Variants in ERC1 observed in about 807,000 individuals in gnomAD.
The protein encoded by ERC1 is ELKS/RAB6-interacting/CAST family member 1, also known as RAB6 interacting protein 2.
ERC1 carries 56 observed loss-of-function variants against 132.0 expected under a neutral mutation model. The observed-to-expected ratio is 0.42, with a 90% CI of 0.34 to 0.53. ERC1 has a LOEUF of 0.53. ERC1 is among the 20% of genes least tolerant of loss of function. The probability of loss-of-function intolerance (pLI) is 0.03; values close to 1 mark genes in which losing one functional copy is unlikely to be tolerated. For synonymous variants in ERC1, 478 were observed against 476.1 expected (o/e 1.00, Z -0.05); for missense variants, 1,202 against 1,349.9 (o/e 0.89, Z 1.72).
chr12:1,013,487 A>G (rs549290338), intron 1 of ERC1, among the ~76,000 whole-genome samples: 30 of 152,196 alleles, frequency 2.0e-4, no homozygotes, highest in African/African-American at 7.0e-4. Flanking sequence ...GCTCGTTTAC[A>G]ATTGATGTGT....
intron 2 of ERC1, among the ~76,000 whole-genome samples, chr12:1,059,053 C>T (rs941552022): frequency 5.9e-5 from 9 of 152,006 alleles, no homozygotes; most frequent in Non-Finnish European, 1.3e-4. Context: ...AGCTCTTTCA[C>T]CTTCTTGGTT....
At chr12:1,312,654 C>T (rs889047142) in intron 15 of ERC1, among the ~76,000 whole-genome samples, 2 of 152,154 alleles carry the variant, frequency 1.3e-5, no homozygotes, top group East Asian at 1.9e-4. Flanking sequence ...CCACCACACC[C>T]GGCCAAAGCA....
At chr12:1,167,875 C>G (rs1480575061) in intron 8 of ERC1, among the ~76,000 whole-genome samples, 4 of 152,132 alleles carry the variant, frequency 2.6e-5, no homozygotes, top group South Asian at 4.2e-4. Flanking sequence ...CGCCACCACA[C>G]CCTGCTAATT....
intron 16 of ERC1, among the ~76,000 whole-genome samples, chr12:1,392,008 T>G (rs1275827432): frequency 6.6e-6 from 1 of 152,076 alleles, no homozygotes; most frequent in African/African-American, 2.4e-5. Flanking sequence ...ATACTTAGTG[T>G]GCTGGAGAAA....
chr12:1,378,513 C>G (rs1309201107), intron 16 of ERC1, among the ~76,000 whole-genome samples: 2 of 152,152 alleles, frequency 1.3e-5, no homozygotes, highest in Non-Finnish European at 1.5e-5. Context: ...TGTCTGTAGT[C>G]TACTTAGTGA....
At chr12:1,414,914 A>AG (rs1401970607) in intron 17 of ERC1, among the ~76,000 whole-genome samples, 1 of 152,226 alleles carries the variant, frequency 6.6e-6, no homozygotes, top group Non-Finnish European at 1.5e-5. Context: ...GAAAAGTAAA[A>AG]GTAAAGTTTA....
At chr12:1,314,106 C>T (rs1047074045) in intron 15 of ERC1, among the ~76,000 whole-genome samples, 2 of 152,048 alleles carry the variant, frequency 1.3e-5, no homozygotes, top group Admixed American at 6.6e-5. Context: ...ATCAGTATTT[C>T]CTATTGTATT....
At position 1,395,509 on chromosome 12, in the gene ERC1, G is replaced by A. The variant is rs548311967; in HGVS notation, c.2926-12640G>A. 2.6e-4 allele frequency among the ~76,000 whole-genome samples: 40 copies of A among 151,764 alleles called. No individual in the cohort carries two copies. In the East Asian group the frequency reaches 5.0e-3, roughly 19 times the overall value. Reference sequence around the variant, plus strand: ...TATAGGCTGCTCTTCTCCAGAGTTCGAAGTTAAAGTCTGCACAGCATATGG... The same window carrying A: ...TATAGGCTGCTCTTCTCCAGAGTTCAAAGTTAAAGTCTGCACAGCATATGG... On this transcript the variant is annotated intron_variant, in intron 16 of 18. Transcript: ENST00000360905.
rs2076884661 is a variant in ERC1 at position 1,257,455 on chromosome 12, G to T, written c.2488-5579G>T. Among the ~76,000 whole-genome samples, 3 of 152,162 alleles carry T rather than the reference G, an allele frequency of 2.0e-5. No homozygotes were observed. In the South Asian group the frequency reaches 6.2e-4, roughly 32 times the overall value. Reference sequence around the variant, plus strand: ...TGATTACAGATATTTTATATTTTTAGTATTAAGGTGATCTACCATAGTCTG... The same window carrying T: ...TGATTACAGATATTTTATATTTTTATTATTAAGGTGATCTACCATAGTCTG... On this transcript the variant is annotated intron_variant, in intron 13 of 18. Transcript: ENST00000360905.
At chr12:999,849 C>T (rs138928003) in intron 1 of ERC1, among the ~76,000 whole-genome samples, 11 of 152,248 alleles carry the variant, frequency 7.2e-5, no homozygotes, top group Non-Finnish European at 1.5e-4. Context: ...CCTGTCTTGG[C>T]CTCCCAGAGT....
intron 12 of ERC1, among the ~76,000 whole-genome samples, chr12:1,212,580 T>C (rs769319545): frequency 1.1e-4 from 16 of 152,232 alleles, no homozygotes; most frequent in Non-Finnish European, 1.6e-4. Context: ...GACGGGGTCC[T>C]TGTCACACAG....
chr12:1,412,794 A>G (rs2091917408), intron 17 of ERC1, among the ~76,000 whole-genome samples: 1 of 152,214 alleles, frequency 6.6e-6, no homozygotes, highest in Non-Finnish European at 1.5e-5. Context: ...TAGCTGTAGA[A>G]TGCTTTGAGC....
intron 7 of ERC1, among the ~76,000 whole-genome samples, chr12:1,127,000 A>AC (rs1394458959): frequency 1.4e-4 from 4 of 28,032 alleles, no homozygotes; most frequent in African/African-American, 1.1e-4. Flanking sequence ...AAAAAAAAAA[A>AC]AAAAAAAAAA....
At chr12:1,049,560 A>T (rs1328331214) in intron 2 of ERC1, among the ~76,000 whole-genome samples, 1 of 152,122 alleles carries the variant, frequency 6.6e-6, no homozygotes, top group Non-Finnish European at 1.5e-5. Context: ...ACTGGCTACT[A>T]CAAATGGATA....
rs118080732 is a variant in ERC1 at position 1,054,101 on chromosome 12, G to T, written c.669+25529G>T. Among the ~76,000 whole-genome samples, 318 of 152,282 alleles carry T rather than the reference G, an allele frequency of 2.1e-3. 3 individuals carry two copies. The East Asian group carries it at 0.025, about 12-fold the overall frequency. The stretch of plus-strand genomic sequence containing the variant: ...AGAGAGGTTATTATTTTTATAACTG[G>T]ATTTCCTATATTTGTGGATAAGAAT... On this transcript the variant is annotated intron_variant, in intron 2 of 18. Coordinates refer to ENST00000360905, the MANE Select transcript of ERC1 (RefSeq NM_178040.4).
At chr12:1,067,185 A>G (rs1339919539) in intron 2 of ERC1, among the ~76,000 whole-genome samples, 1 of 152,214 alleles carries the variant, frequency 6.6e-6, no homozygotes, top group Non-Finnish European at 1.5e-5. Flanking sequence ...TTTTAATGAA[A>G]AAAGATTGGC....
At chr12:1,324,870 G>A (rs551689321) in intron 15 of ERC1, among the ~76,000 whole-genome samples, 248 of 152,268 alleles carry the variant, frequency 1.6e-3, no homozygotes, top group African/African-American at 5.6e-3. Context: ...AGTGAATGAA[G>A]TATTTTCAAG....
intron 16 of ERC1, among the ~76,000 whole-genome samples, chr12:1,389,648 TG>T (rs1392000087): frequency 6.6e-6 from 1 of 152,232 alleles, no homozygotes; most frequent in Non-Finnish European, 1.5e-5. Context: ...CAGGTGATTG[TG>T]ATCTTATATA....
chr12:1,337,983 T>G (rs1208605704), intron 15 of ERC1, among the ~76,000 whole-genome samples: 1 of 152,216 alleles, frequency 6.6e-6, no homozygotes, highest in Non-Finnish European at 1.5e-5. Flanking sequence ...TTCTTTCATC[T>G]TAACTTTCAA....
Sources: gnomAD v4.1 joint callset for allele counts (sites outside exome capture counted in the v4.1 genomes callset) on GRCh38, gnomAD v4.1.1 for gene constraint, MANE v1.5 for transcripts, NCBI Gene and HGNC (gene_info 2026-07-23, HGNC 2026-07-21) for gene names.